Variants in ST7 observed in about 807,000 individuals in gnomAD.
ST7 encodes the protein suppression of tumorigenicity 7, also known as suppressor of tumorigenicity 7 protein.
A neutral mutation model predicts 78.7 loss-of-function variants in ST7; 28 were observed. The ratio of observed to expected loss-of-function variants is 0.36; its 90% CI spans 0.26 to 0.49. ST7 has a LOEUF of 0.49. Ranked by LOEUF, ST7 falls within the 20% of genes least tolerant of loss-of-function variation. The pLI, the probability that ST7 is intolerant of heterozygous loss-of-function variation, is 0.99. For missense variants in ST7, 418 were observed against 696.0 expected, an observed-to-expected ratio of 0.60 and a Z score of 4.49; for synonymous variants, 247 against 249.6, an observed-to-expected ratio of 0.99 and a Z score of 0.10.
At chr7:117,125,145 G>C (rs1281526193) in intron 3 of ST7, among the ~76,000 whole-genome samples, 1 of 152,054 alleles carries the variant, frequency 6.6e-6, no homozygotes, top group Non-Finnish European at 1.5e-5. Context: ...ACTAAAATTT[G>C]TGCTCTAGTA....
At chr7:117,198,339 T>C (rs1174724407) in intron 12 of ST7, 1 of 456,508 alleles carries the variant, frequency 2.2e-6, no homozygotes, top group Non-Finnish European at 4.4e-6. Context: ...AAATAGAGGC[T>C]GCCTAGAAAC....
At chr7:117,065,019 C>T (rs577925128) in intron 1 of ST7, among the ~76,000 whole-genome samples, 1 of 152,270 alleles carries the variant, frequency 6.6e-6, no homozygotes, top group Non-Finnish European at 1.5e-5. Context: ...TATAAGCACA[C>T]TGCCTGCAAC....
At position 117,152,191 on chromosome 7, in the gene ST7, A is replaced by T. The variant is rs1187558629; in HGVS notation, c.963+13659A>T. On this transcript the variant is annotated intron_variant, in intron 9 of 15. Coordinates refer to ENST00000323984, the MANE Select transcript of ST7 (RefSeq NM_001369598.1). Reference sequence around the variant, plus strand: ...ATATATAAAAACTATATATATATATATATATATATATATATATATATATAT... The same window carrying T: ...ATATATAAAAACTATATATATATATTTATATATATATATATATATATATAT... Among the ~76,000 whole-genome samples, 85 of 59,104 alleles carry T rather than the reference A, an allele frequency of 1.4e-3. 1 individual carries two copies. The highest frequency in any genetic ancestry group is 6.0e-3 in the African/African-American group (71 of 11,860). The allele number at this position is 59,104 out of a possible 152,430, so 38.8% of individuals were successfully genotyped here.
At chr7:116,972,943 T>A in intron 1 of ST7, 1 of 1,200,772 alleles carries the variant, frequency 8.3e-7, no homozygotes, top group Non-Finnish European at 1.2e-6. Flanking sequence ...CGCACTCCGA[T>A]TCCTGCCTCC....
chr7:117,130,953 T>A (rs1804298097), intron 5 of ST7, among the ~76,000 whole-genome samples: 1 of 151,866 alleles, frequency 6.6e-6, no homozygotes, highest in African/African-American at 2.4e-5. Flanking sequence ...AAGTAGAAAT[T>A]GGAATTTACT....
chr7:117,070,205 ACT>A (rs1335403753), intron 1 of ST7, among the ~76,000 whole-genome samples: 2 of 152,096 alleles, frequency 1.3e-5, no homozygotes, highest in Non-Finnish European at 2.9e-5. Flanking sequence ...TCAGCTTTCT[ACT>A]CTGAGTGTTG....
At chr7:117,127,508 TA>T (rs1803952071) in intron 3 of ST7, among the ~76,000 whole-genome samples, 1 of 151,970 alleles carries the variant, frequency 6.6e-6, no homozygotes, top group Non-Finnish European at 1.5e-5. Flanking sequence ...AATAAAAATA[TA>T]CCTGTCTTGC....
At chr7:117,014,267 A>G (rs1795504254) in intron 1 of ST7, among the ~76,000 whole-genome samples, 1 of 116,980 alleles carries the variant, frequency 8.5e-6, no homozygotes, top group African/African-American at 3.3e-5. Flanking sequence ...TATTTAAAGT[A>G]TAAGCTAGGA....
chr7:117,134,961 G>T (rs1408390074), intron 7 of ST7, among the ~76,000 whole-genome samples: 1 of 152,038 alleles, frequency 6.6e-6, no homozygotes, highest in Non-Finnish European at 1.5e-5. Flanking sequence ...TACATTAGCT[G>T]TGAAGTTCAG....
chr7:116,967,347 T>C, intron 1 of ST7: 1 of 471,246 alleles, frequency 2.1e-6, no homozygotes, highest in African/African-American at 2.0e-5. Flanking sequence ...CCACTTGCGC[T>C]ACTCTCACTT....
At chr7:117,138,084 A>G (rs1016230471) in intron 8 of ST7, among the ~76,000 whole-genome samples, 5 of 152,140 alleles carry the variant, frequency 3.3e-5, no homozygotes, top group African/African-American at 1.2e-4. Flanking sequence ...GTTCATCAGG[A>G]TGTAACCTGA....
chr7:117,202,877 C>CTT lies in ST7; in HGVS notation c.1255-6909_1255-6908insTT, dbSNP rs148058028. Among the ~76,000 whole-genome samples, 9 of 129,964 alleles carry CTT rather than the reference C, an allele frequency of 6.9e-5. No homozygotes were observed. In the Admixed American group the frequency reaches 7.3e-4, roughly 11 times the overall value. The allele number at this position is 129,964 out of a possible 152,430, so 85.3% of individuals were successfully genotyped here. On this transcript the variant is annotated intron_variant, in intron 12 of 15. Transcript: ENST00000323984. ...AGATTCTAAGTGTTTTTTTCCCCCC[C>CTT]TCAGTATCTGCAGGGGATTGGTTCC...
chr7:117,217,751 G>A (rs572533780), intron 13 of ST7, among the ~76,000 whole-genome samples: 1 of 152,202 alleles, frequency 6.6e-6, no homozygotes, highest in Admixed American at 6.5e-5. Flanking sequence ...GAGGAAAATT[G>A]ATAACATTTT....
At chr7:117,030,402 G>T (rs1472444885) in intron 1 of ST7, among the ~76,000 whole-genome samples, 1 of 152,140 alleles carries the variant, frequency 6.6e-6, no homozygotes, top group Non-Finnish European at 1.5e-5. Context: ...TAAATAACCT[G>T]GAAAGTGAGA....
chr7:117,051,376 A>C (rs561606564), intron 1 of ST7, among the ~76,000 whole-genome samples: 12 of 152,138 alleles, frequency 7.9e-5, no homozygotes, highest in Non-Finnish European at 1.6e-4. Context: ...GGCTTCCAGG[A>C]AGTCAGGCTT....
chr7:117,037,424 G>A (rs1584499039), intron 1 of ST7, among the ~76,000 whole-genome samples: 1 of 152,140 alleles, frequency 6.6e-6, no homozygotes, highest in African/African-American at 2.4e-5. Flanking sequence ...ATCCAAAAAG[G>A]TTGGCCATGG....
At chr7:117,137,189 C>T (rs1804861845) in intron 8 of ST7, 1 of 152,094 alleles carries the variant, frequency 6.6e-6, no homozygotes, top group African/African-American at 2.4e-5. Context: ...GGTGTAGAAA[C>T]TGACTGCATT....
chr7:116,978,689 C>T (rs898311579), intron 1 of ST7, among the ~76,000 whole-genome samples: 6 of 152,100 alleles, frequency 3.9e-5, no homozygotes, highest in Admixed American at 1.3e-4. Context: ...CAGGTTCAAG[C>T]GATTCTCGTG....
rs866592409 is a variant in ST7, at chr7:117,097,904, A to T, written c.152-1858A>T. ...ACTATATATATATATATATATATATATATATTTTTTTTTTTTTTTTTTTTG... is the reference window on the plus strand; with the variant it reads ...ACTATATATATATATATATATATATTTATATTTTTTTTTTTTTTTTTTTTG... On this transcript the variant is annotated intron_variant, in intron 1 of 15. Transcript: ENST00000323984. 2.5e-3 allele frequency among the ~76,000 whole-genome samples: 83 copies of T among 33,696 alleles called. 5 individuals are homozygous for T. The South Asian group carries it at 0.036, about 15-fold the overall frequency. 22.1% of individuals were successfully genotyped at this position (33,696 alleles called of 152,430 possible).
Sources: allele counts gnomAD v4.1 joint callset (sites outside exome capture counted in the v4.1 genomes callset), GRCh38; gene constraint gnomAD v4.1.1; transcripts MANE v1.5; gene names NCBI Gene and HGNC (gene_info 2026-07-23, HGNC 2026-07-21).